GNB4: variants seen among roughly 807,000 people sequenced by gnomAD.
GNB4 encodes G protein subunit beta 4.
GNB4 carries 28 observed loss-of-function variants against 45.2 expected under a neutral mutation model. The observed-to-expected ratio is 0.62, with a 90% confidence interval of 0.46 to 0.85. The LOEUF (loss-of-function observed/expected upper bound fraction) is 0.85. Among genes scored for constraint, GNB4 ranks in the 40% least tolerant of loss-of-function variants. The pLI, the probability that GNB4 is intolerant of heterozygous loss-of-function variation, is 0.00. For missense variants in GNB4, 321 were observed against 425.4 expected (o/e 0.75, Z 2.16); for synonymous variants, 132 against 143.7 (o/e 0.92, Z 0.58).
At chr3:179,483,420 C>T in the GNB4 span, among the ~76,000 whole-genome samples, 2 of 151,840 alleles carry the variant, frequency 1.3e-5, no homozygotes, top group African/African-American at 2.4e-5. Flanking sequence ...AAGATCAGGA[C>T]AGGGGAAAGG....
At chr3:179,474,364 C>T in the GNB4 span, among the ~76,000 whole-genome samples, 1 of 152,032 alleles carries the variant, frequency 6.6e-6, no homozygotes, top group Non-Finnish European at 1.5e-5. Flanking sequence ...GCTGGGACTA[C>T]AGGCACACGC....
At chr3:179,477,861 C>T in the GNB4 span, among the ~76,000 whole-genome samples, 2 of 152,154 alleles carry the variant, frequency 1.3e-5, no homozygotes, top group Non-Finnish European at 1.5e-5. Context: ...AAGCTCTGTC[C>T]ATTACCCAGT....
intron 1 of GNB4, among the ~76,000 whole-genome samples, chr3:179,438,731 A>G (rs1439097626): frequency 2.6e-5 from 4 of 152,208 alleles, no homozygotes; most frequent in Non-Finnish European, 4.4e-5. Flanking sequence ...GACTAAAACA[A>G]TCCATGAGCA....
Position 179,404,298 on chromosome 3 carries a change from C to T in GNB4, c.916+892G>A, listed in dbSNP as rs565239766. 1.0e-3 allele frequency among the ~76,000 whole-genome samples: 159 copies of T among 152,104 alleles called. 1 individual carries two copies. Among genetic ancestry groups the T allele is most frequent in the Non-Finnish European group, 2.0e-3 (133 of 68,020 alleles). ...AAACTGGTTGGGAAGAACATGGCTA[C>T]GGCAGGAGCAGCTTAAAACCCAACC... On this transcript the variant is annotated intron_variant, in intron 9 of 9. Coordinates refer to ENST00000232564, the MANE Select transcript of GNB4 (RefSeq NM_021629.4).
At chr3:179,418,496 G>GA (rs1258550281) in intron 4 of GNB4, among the ~76,000 whole-genome samples, 1 of 134,448 alleles carries the variant, frequency 7.4e-6, no homozygotes, top group Non-Finnish European at 1.6e-5. Context: ...AAAGAAAAAA[G>GA]AAAAGAAAAA....
chr3:179,448,834 T>A (rs1559983931), intron 1 of GNB4, among the ~76,000 whole-genome samples: 1 of 152,168 alleles, frequency 6.6e-6, no homozygotes, highest in Non-Finnish European at 1.5e-5. Context: ...ATCCTAACAC[T>A]TTGGGAGGCT....
At chr3:179,469,522 T>G in the GNB4 span, among the ~76,000 whole-genome samples, 2 of 152,158 alleles carry the variant, frequency 1.3e-5, no homozygotes, top group Non-Finnish European at 2.9e-5. Flanking sequence ...GATAGTTGTG[T>G]CAAGTTCTGC....
the GNB4 span, among the ~76,000 whole-genome samples, chr3:179,477,646 AG>A: frequency 6.6e-6 from 1 of 151,992 alleles, no homozygotes; most frequent in South Asian, 2.1e-4. Flanking sequence ...CCAAGAGGGG[AG>A]GGTCACTTAA....
chr3:179,409,802 C>G (rs1300238587), intron 8 of GNB4, among the ~76,000 whole-genome samples: 1 of 134,902 alleles, frequency 7.4e-6, no homozygotes, highest in East Asian at 2.1e-4. Context: ...GAGCAAGACT[C>G]TGTCTCAAAA....
rs1435627778 is a variant in GNB4, at chr3:179,399,641, GA to G, written c.*1571del. The G allele has an allele frequency of 6.6e-6, 1 of 152,120 alleles. No homozygotes were observed. The highest frequency in any genetic ancestry group is 2.4e-5 in the African/African-American group (1 of 41,412). The allele number at this position is 152,120 out of a possible 1,614,324, so 9.4% of individuals were successfully genotyped here. ...ATTGTCAACTGATTTTAATAAAACTGATACATCTTTACAGTTGATGCACATA... is the reference window on the plus strand; with the variant it reads ...ATTGTCAACTGATTTTAATAAAACTGTACATCTTTACAGTTGATGCACATA... On this transcript the variant is annotated 3_prime_UTR_variant, in exon 10 of 10. Coordinates refer to ENST00000232564, the MANE Select transcript of GNB4 (RefSeq NM_021629.4).
At chr3:179,489,567 G>A in the GNB4 span, among the ~76,000 whole-genome samples, 4 of 152,106 alleles carry the variant, frequency 2.6e-5, no homozygotes, top group African/African-American at 9.7e-5. Context: ...CTTGAGCGCA[G>A]GAGTCTGAGG....
At chr3:179,456,816 T>A in the GNB4 span, among the ~76,000 whole-genome samples, 1 of 4,474 alleles carries the variant, frequency 2.2e-4, no homozygotes, top group African/African-American at 2.9e-3. Context: ...AGTGGAACCA[T>A]ACAGTATGTA....
At chr3:179,423,267 T>A (rs1359657858) in intron 2 of GNB4, among the ~76,000 whole-genome samples, 7 of 152,148 alleles carry the variant, frequency 4.6e-5, no homozygotes. Context: ...ATTATCCATC[T>A]AGGTACAAAC....
chr3:179,483,393 T>C, the GNB4 span, among the ~76,000 whole-genome samples: 1 of 151,968 alleles, frequency 6.6e-6, no homozygotes, highest in Non-Finnish European at 1.5e-5. Context: ...ATATTATAAA[T>C]AAATAGTATC....
the GNB4 span, among the ~76,000 whole-genome samples, chr3:179,482,844 T>G: frequency 6.6e-6 from 1 of 152,218 alleles, no homozygotes; most frequent in Non-Finnish European, 1.5e-5. Flanking sequence ...ACTTTTCTGG[T>G]CTCAGAATAT....
intron 1 of GNB4, among the ~76,000 whole-genome samples, chr3:179,448,456 G>A (rs140307112): frequency 3.7e-3 from 554 of 150,328 alleles, no homozygotes; most frequent in Non-Finnish European, 5.5e-3. Flanking sequence ...CTTTAATCCT[G>A]TGCTCAAAAC....
In GNB4 at chr3:179,420,979, A is replaced by G. The variant is rs373610313; in HGVS notation, c.58-52T>C. 1.4e-4 allele frequency: 139 copies of G among 984,774 alleles called. No homozygotes were observed. The African/African-American group carries it at 1.9e-3, about 13-fold the overall frequency. 61.0% of individuals were successfully genotyped at this position (984,774 alleles called of 1,614,324 possible). The stretch of plus-strand genomic sequence containing the variant: ...GCATTTAGCAACCTGTGGAATGACT[A>G]AAGTGATACTTTTATTGAAAACGTA... On this transcript the variant is annotated intron_variant, in intron 2 of 9. Coordinates refer to ENST00000232564, the MANE Select transcript of GNB4 (RefSeq NM_021629.4).
chr3:179,439,534 A>G (rs1035727770), intron 1 of GNB4, among the ~76,000 whole-genome samples: 1 of 152,134 alleles, frequency 6.6e-6, no homozygotes, highest in Non-Finnish European at 1.5e-5. Context: ...TCTCTACCCT[A>G]AAGCAGTTCT....
At chr3:179,468,364 GC>G in the GNB4 span, among the ~76,000 whole-genome samples, 1 of 151,120 alleles carries the variant, frequency 6.6e-6, no homozygotes, top group Non-Finnish European at 1.5e-5. Context: ...GCGTGGTGGC[GC>G]TTGCCTATAA....
Sources: gnomAD v4.1 joint callset for allele counts (sites outside exome capture counted in the v4.1 genomes callset) on GRCh38, gnomAD v4.1.1 for gene constraint, MANE v1.5 for transcripts, NCBI Gene and HGNC (gene_info 2026-07-23, HGNC 2026-07-21) for gene names.